Variants in EFS observed in about 807,000 individuals in gnomAD.
EFS encodes embryonal Fyn-associated substrate.
EFS carries 34 observed loss-of-function variants against 42.2 expected under a neutral mutation model. The ratio of observed to expected loss-of-function variants is 0.81; its 90% CI spans 0.61 to 1.07. The LOEUF (loss-of-function observed/expected upper bound fraction) is 1.07, where lower values mean the gene tolerates loss of function less well. Ranked by LOEUF, EFS falls within the 50% of genes least tolerant of loss-of-function variation. EFS has a pLI of 0.00. For synonymous variants in EFS, 299 were observed against 320.7 expected, an observed-to-expected ratio of 0.93 and a Z score of 0.72; for missense variants, 717 against 729.4, an observed-to-expected ratio of 0.98 and a Z score of 0.20.
At chr14:23,361,472 G>A (rs1304413471) in intron 1 of EFS, among the ~76,000 whole-genome samples, 1 of 152,216 alleles carries the variant, frequency 6.6e-6, no homozygotes, top group Non-Finnish European at 1.5e-5. Context: ...CTCAGTCTGA[G>A]CAAATAAGTT....
chr14:23,359,271 G>T lies in EFS; in HGVS notation c.1161+46C>A, dbSNP rs772208387. 21 of 1,610,688 alleles carry T rather than the reference G, an allele frequency of 1.3e-5. No individual in the cohort carries two copies. The Admixed American group carries it at 3.3e-4, about 26-fold the overall frequency. On this transcript the variant is annotated intron_variant, in intron 4 of 5. Transcript: ENST00000216733. ...CCTAGGTCTCCACACCCCTCCCCTT[G>T]GTCCCTCTGGGGTCCCTCCTGGTGG... is the stretch of plus-strand genomic sequence containing the variant.
At chr14:23,359,295 G>A (rs1595025071) in intron 4 of EFS, 22 bp downstream of exon 4, 3 of 1,612,042 alleles carry the variant, frequency 1.9e-6, no homozygotes, top group Non-Finnish European at 2.5e-6. Flanking sequence ...CCCTCCTGGT[G>A]GGGCTGCCAA....
chr14:23,360,076 C>A, intron 3 of EFS, 37 bp from the exon 4 acceptor site: 1 of 1,614,036 alleles, frequency 6.2e-7, no homozygotes, highest in South Asian at 1.1e-5. Context: ...GTCAGCTCAG[C>A]GATGAACCCT....
rs201955372 is a variant in EFS, at chr14:23,360,288, G to A, written c.298-7C>T. The A allele has an allele frequency of 6.2e-7, 1 of 1,603,742 alleles. No homozygotes were observed. The highest frequency in any genetic ancestry group is 8.5e-7 in the Non-Finnish European group (1 of 1,175,240). On this transcript the variant is annotated splice_polypyrimidine_tract_variant and splice_region_variant and intron_variant, in intron 2 of 5. Coordinates refer to ENST00000216733, the MANE Select transcript of EFS (RefSeq NM_005864.4). ...GGGGCGGCACCACATACACCTGAGG[G>A]ATCAAATAGATGGGGGGTCAGGAGG... is the stretch of plus-strand genomic sequence containing the variant.
Position 23,358,930 on chromosome 14 carries a change from A to C in EFS, c.1197T>G (p.Asp399Glu), listed in dbSNP as rs1412152864. ...MDKAQGSRPPDQACTGDPELP... is the reference protein window; with the variant it reads ...MDKAQGSRPPEQACTGDPELP... ...GTTCAGGATCCCCTGTGCAGGCCTGATCCGGGGGCCTAGATCCCTGAGCTT... is the reference window on the plus strand; with the variant it reads ...GTTCAGGATCCCCTGTGCAGGCCTGCTCCGGGGGCCTAGATCCCTGAGCTT... The change falls in exon 5 of 6, where the codon GAT becomes GAG. Residue 399 changes from aspartate (D) to glutamate (E), a missense_variant. Coordinates refer to ENST00000216733, the MANE Select transcript of EFS (RefSeq NM_005864.4). The C allele has an allele frequency of 1.2e-6, 2 of 1,612,996 alleles. No homozygotes were observed. The highest frequency in any genetic ancestry group is 2.7e-5 in the African/African-American group (2 of 74,952).
intron 1 of EFS, among the ~76,000 whole-genome samples, chr14:23,362,023 T>C (rs1890170481): frequency 6.6e-6 from 1 of 152,022 alleles, no homozygotes; most frequent in Non-Finnish European, 1.5e-5. Context: ...AGGAATCTAC[T>C]TAAAAGAAAG....
Position 23,359,642 on chromosome 14 carries a change from G to T in EFS, c.836C>A (p.Thr279Asn), listed in dbSNP as rs371650790. The stretch of plus-strand genomic sequence containing the variant: ...GCTTCTGGCCAGAAGCTGGGCCAGG[G>T]TGTCCTGGTCATGGGAGGCCAAGGC... ...PGALASHDQDTLAQLLARSPP... is the reference protein window; with the variant it reads ...PGALASHDQDNLAQLLARSPP... The change falls in exon 4 of 6, where the codon ACC becomes AAC. Residue 279 changes from threonine (T) to asparagine (N), a missense_variant. Coordinates refer to ENST00000216733, the MANE Select transcript of EFS (RefSeq NM_005864.4). 2.7e-6 allele frequency: 4 copies of T among 1,508,854 alleles called. No individual in the cohort carries two copies. Among genetic ancestry groups the T allele is most frequent in the East Asian group, 2.3e-5 (1 of 42,948 alleles). The allele number at this position is 1,508,854 out of a possible 1,614,324, so 93.5% of individuals were successfully genotyped here. A position where few individuals can be genotyped will look rare whatever the true frequency, so the allele number is the denominator to read the frequency against.
chr14:23,360,789 G>A lies in EFS; in HGVS notation c.63C>T (p.Pro21=), dbSNP rs1436183915. 6.2e-7 allele frequency: 1 copy of A among 1,613,814 alleles called. No homozygotes were observed. The highest frequency in any genetic ancestry group is 8.5e-7 in the Non-Finnish European group (1 of 1,179,904). Residue 21 remains proline (P), a synonymous_variant, in exon 2 of 6, where the codon CCC becomes CCT. Coordinates refer to ENST00000216733, the MANE Select transcript of EFS (RefSeq NM_005864.4). ...RALYDNTAES[P]QELSFRRGDV... is the part of the protein sequence containing the mutation. ...CCCCTCGGCGGAAGGACAGCTCCTG[G>A]GGGGACTCAGCGGTGTTGTCATACA...
intron 5 of EFS, 63 bp downstream of exon 5, chr14:23,358,813 C>G: frequency 6.9e-7 from 1 of 1,449,860 alleles, no homozygotes; most frequent in Non-Finnish European, 9.4e-7. Flanking sequence ...CTCAGTTCTT[C>G]TCCCAAGTCC....
chr14:23,359,039 C>T (rs2138534275), intron 4 of EFS, 74 bp from the exon 5 acceptor site: 2 of 1,366,910 alleles, frequency 1.5e-6, no homozygotes, highest in Non-Finnish European at 2.0e-6. Context: ...CTTTCTGCCC[C>T]TTCCCCGGAC....
At chr14:23,358,479 C>G (rs1890001342) in intron 5 of EFS, among the ~76,000 whole-genome samples, 1 of 152,208 alleles carries the variant, frequency 6.6e-6, no homozygotes. Flanking sequence ...GAGAGATTAA[C>G]TGACGGCTTC....
chr14:23,359,181 G>C (rs1363398812), intron 4 of EFS, 136 bp downstream of exon 4: 8 of 1,384,052 alleles, frequency 5.8e-6, no homozygotes, highest in Non-Finnish European at 8.0e-6. Flanking sequence ...CAAGTACTGG[G>C]GTCCCAGGCT....
At position 23,359,530 on chromosome 14, in the gene EFS, G is replaced by A; in HGVS notation, c.948C>T (p.Pro316=). ...CAGGAGAGGGCACTGGGGAGGGGCT[G>A]GGGGCCTCAGGGACAGGCAGGGCAG... ...PLPALPVPEA[P]SPSPVPSPAP... Residue 316 remains proline (P), a synonymous_variant, in exon 4 of 6, where the codon CCC becomes CCT. Transcript: ENST00000216733. The A allele has an allele frequency of 1.3e-6, 2 of 1,532,674 alleles. No individual in the cohort carries two copies. Among genetic ancestry groups the A allele is most frequent in the South Asian group, 1.3e-5 (1 of 79,394 alleles). 94.9% of individuals were successfully genotyped at this position (1,532,674 alleles called of 1,614,324 possible). A position where few individuals can be genotyped will look rare whatever the true frequency, so the allele number is the denominator to read the frequency against.
At chr14:23,357,934 C>T (rs928818764) in intron 5 of EFS, among the ~76,000 whole-genome samples, 2 of 151,988 alleles carry the variant, frequency 1.3e-5, no homozygotes, top group African/African-American at 4.8e-5. Flanking sequence ...ACTGCACTGT[C>T]CAATATAAAC....
chr14:23,364,979 C>T (rs1217053243), intron 1 of EFS, 29 bp downstream of exon 1: 4 of 1,297,810 alleles, frequency 3.1e-6, no homozygotes, highest in East Asian at 3.0e-5. Flanking sequence ...GGTCTCTCCC[C>T]GGCAGCCTCC....
At position 23,360,586 on chromosome 14, in the gene EFS, G is replaced by A. The variant is rs1356786734; in HGVS notation, c.266C>T (p.Pro89Leu). Residue 89 changes from proline to leucine, a missense_variant, in exon 2 of 6, where the codon CCA becomes CTA. Pro to Leu is a moderately conservative substitution (Grantham distance 98, BLOSUM62 -3). Coordinates refer to ENST00000216733, the MANE Select transcript of EFS (RefSeq NM_005864.4). ...GTCCTCATTGCTGTGATCTGGGGCTGGATATGGTGAGCCAGGCTGGGCTGG... is the reference window on the plus strand; with the variant it reads ...GTCCTCATTGCTGTGATCTGGGGCTAGATATGGTGAGCCAGGCTGGGCTGG... The part of the protein sequence containing the change: ...ASPAQPGSPY[P>L]APDHSNEDQE... The A allele has an allele frequency of 6.4e-7, 1 of 1,570,662 alleles. No individual in the cohort carries two copies. The highest frequency in any genetic ancestry group is 2.2e-5 in the East Asian group (1 of 44,450).
rs761947812 is a variant in EFS at position 23,359,823 on chromosome 14, C to T, written c.655G>A (p.Ala219Thr). Residue 219 changes from alanine to threonine, a missense_variant, in exon 4 of 6, where the codon GCC becomes ACC. By Grantham distance (58) the Ala-to-Thr change is moderately conservative. Transcript: ENST00000216733. ...GACGCTCGTTTCAGGTTGGAGGGGG[C>T]AGCATAGATGGGGGGCCCCGGCTCC... ...GREPGPPIYA[A>T]PSNLKRASAL... 5.9e-6 allele frequency: 9 copies of T among 1,526,272 alleles called. No individual in the cohort carries two copies. The African/African-American group carries it at 9.7e-5, about 17-fold the overall frequency. 94.5% of individuals were successfully genotyped at this position (1,526,272 alleles called of 1,614,324 possible).
At chr14:23,362,899 C>G (rs927112710) in intron 1 of EFS, among the ~76,000 whole-genome samples, 4 of 149,752 alleles carry the variant, frequency 2.7e-5, no homozygotes, top group African/African-American at 1.0e-4. Context: ...AGGTCTGTCC[C>G]TTTCTTTTTC....
chr14:23,359,202 G>A, intron 4 of EFS, 115 bp downstream of exon 4: 1 of 1,509,414 alleles, frequency 6.6e-7, no homozygotes, highest in Non-Finnish European at 9.1e-7. Flanking sequence ...GCAGGGTAGA[G>A]GGAAGGGGGA....
Sources: gnomAD v4.1 joint callset for allele counts (sites outside exome capture counted in the v4.1 genomes callset) on GRCh38, gnomAD v4.1.1 for gene constraint, MANE v1.5 for transcripts, NCBI Gene and HGNC (gene_info 2026-07-23, HGNC 2026-07-21) for gene names.